The following DUOX2 variants were observed in gnomAD, a reference collection of about 807,000 sequenced individuals.
DUOX2 encodes the protein dual oxidase 2, also known as NADH/NADPH thyroid oxidase p138-tox.
DUOX2 carries 185 observed loss-of-function variants against 183.3 expected under a neutral mutation model. The ratio of observed to expected loss-of-function variants is 1.01; its 90% CI spans 0.90 to 1.14. The LOEUF is 1.14. Among genes scored for constraint, DUOX2 ranks in the 50% most tolerant of loss-of-function variants. The pLI is 0.00. For synonymous variants in DUOX2, 788 were observed against 812.4 expected (o/e 0.97, Z 0.51); for missense variants, 1,999 against 2,022.9 (o/e 0.99, Z 0.23).
At chr15:45,095,674 G>A in intron 30 of DUOX2, 79 bp from the exon 31 acceptor site, 2 of 1,601,818 alleles carry the variant, frequency 1.2e-6, no homozygotes, top group African/African-American at 1.3e-5. Flanking sequence ...CAGGCAGAGG[G>A]AGGATACAGA....
At chr15:45,112,812 T>C (rs1226839545) in intron 3 of DUOX2, 94 bp from the exon 4 acceptor site, 3 of 1,584,962 alleles carry the variant, frequency 1.9e-6, no homozygotes, top group Non-Finnish European at 2.6e-6. Flanking sequence ...CCATCCCACT[T>C]CACTGACAGA....
chr15:45,096,465 G>T (rs1674960651), intron 29 of DUOX2, among the ~76,000 whole-genome samples: 1 of 152,134 alleles, frequency 6.6e-6, no homozygotes, highest in Non-Finnish European at 1.5e-5. Flanking sequence ...TCTTTAAATT[G>T]ACTAACTTTT....
intron 22 of DUOX2, 160 bp downstream of exon 22, chr15:45,101,045 A>C (rs1894068348): frequency 1.3e-6 from 1 of 747,146 alleles, no homozygotes; most frequent in Non-Finnish European, 2.4e-6. Context: ...TCCGAGCAGC[A>C]TAGGGTGAGA....
chr15:45,097,389 G>A lies in DUOX2; in HGVS notation c.3696C>T (p.Leu1232=). The change falls in exon 29 of 34, where the codon CTC becomes CTT. Residue 1232 remains leucine, a splice_region_variant and synonymous_variant. Coordinates refer to ENST00000389039, the MANE Select transcript of DUOX2 (RefSeq NM_001363711.2). ...TCAGAGCATAGCTGCCATGGATGATGAGCTGGAGACACGGCCAGTTAGTAC... is the reference window on the plus strand; with the variant it reads ...TCAGAGCATAGCTGCCATGGATGATAAGCTGGAGACACGGCCAGTTAGTAC... ...HHLYILLYAL[L]IIHGSYALIQ... 6.2e-7 allele frequency: 1 copy of A among 1,614,246 alleles called. No individual in the cohort carries two copies. The highest frequency in any genetic ancestry group is 8.5e-7 in the Non-Finnish European group (1 of 1,180,040).
chr15:45,108,382 T>C lies in DUOX2; in HGVS notation c.1399-160A>G, dbSNP rs543955320. 67 of 843,694 alleles carry C rather than the reference T, an allele frequency of 7.9e-5. No individual in the cohort carries two copies. The African/African-American group carries it at 1.0e-3, about 13-fold the overall frequency. The allele number at this position is 843,694 out of a possible 1,614,324, so 52.3% of individuals were successfully genotyped here. Reference sequence around the variant, plus strand: ...GCCCCCTCAGGCAGGACAAGTCTGGTGGAAGGATCAGTGTGTCCCTACCCA... The same window carrying C: ...GCCCCCTCAGGCAGGACAAGTCTGGCGGAAGGATCAGTGTGTCCCTACCCA... On this transcript the variant is annotated intron_variant, in intron 12 of 33. Transcript: ENST00000389039.
chr15:45,109,917 C>T lies in DUOX2; in HGVS notation c.1104G>A (p.Arg368=). 2 of 1,614,102 alleles carry T rather than the reference C, an allele frequency of 1.2e-6. No individual in the cohort carries two copies. ...NKGFQSSQAL[R]VCNNYWIREN... is the part of the protein sequence containing the mutation. ...CCCGAATCCAGTAGTTGTTGCAGAC[C>T]CTGAGAGCTTGGGAGCTTTGAAAAC... The change falls in exon 10 of 34, where the codon AGG becomes AGA. Residue 368 remains arginine (R), a synonymous_variant. Transcript: ENST00000389039.
chr15:45,100,160 G>A lies in DUOX2; in HGVS notation c.3074C>T (p.Ala1025Val). The A allele has an allele frequency of 6.2e-7, 1 of 1,614,170 alleles. No homozygotes were observed. The highest frequency in any genetic ancestry group is 1.1e-5 in the South Asian group (1 of 91,078). ...GCGCTTGTACTGCTGCAGCTTTTGG[G>A]CTAGGAAGCCTCGCTGCATCTTCTC... The part of the protein sequence containing the change: ...LQEKMQRGFL[A>V]QKLQQYKRFV... The change falls in exon 24 of 34, where the codon GCC (alanine) becomes GTC (valine). Residue 1025 changes from alanine to valine, a missense_variant. By Grantham distance (64) the Ala-to-Val change is moderately conservative. Transcript: ENST00000389039.
Position 45,095,940 on chromosome 15 carries a change from G to T in DUOX2, c.3968C>A (p.Ala1323Glu), listed in dbSNP as rs78020568. The change falls in exon 30 of 34, where the codon GCG becomes GAG. Residue 1323 changes from alanine (A) to glutamate (E), a missense_variant. Around this residue, in one of 3 missense-constraint regions of DUOX2, gnomAD observed 1,628 missense variants for 1,608.6 expected, o/e 1.01. Transcript: ENST00000389039. Reference protein sequence around the residue: ...TEYHPFTLTSAPHEDTLSLHI... With the variant: ...TEYHPFTLTSEPHEDTLSLHI... The stretch of plus-strand genomic sequence containing the variant: ...CAGGCTGAGTGTGTCCTCATGGGGC[G>T]CGGAGGTCAGTGTGAAGGGGTGGTA... 19 of 1,613,914 alleles carry T rather than the reference G, an allele frequency of 1.2e-5. No homozygotes were observed. The Middle Eastern group carries it at 6.6e-4, about 56-fold the overall frequency.
intron 21 of DUOX2, 34 bp downstream of exon 21, chr15:45,101,759 C>G (rs759244110): frequency 5.1e-5 from 83 of 1,614,096 alleles, no homozygotes; most frequent in East Asian, 8.9e-5. Context: ...ACACGCCCCC[C>G]CTCCCTGACG....
intron 10 of DUOX2, 76 bp from the exon 11 acceptor site, chr15:45,109,702 C>T (rs1449604860): frequency 6.7e-7 from 1 of 1,496,892 alleles, no homozygotes; most frequent in Non-Finnish European, 9.3e-7. Context: ...ACTTTAGTAC[C>T]CCAGGACAAA....
In DUOX2 at chr15:45,112,637, G is replaced by A. The variant is rs1894469138; in HGVS notation, c.242C>T (p.Pro81Leu). The change falls in exon 4 of 34, where the codon CCG becomes CTG. Residue 81 changes from proline to leucine, a missense_variant. Transcript: ENST00000389039. ...CGTGGCTGCGTTGCTGAGCCGGCGC[G>A]GGTTGGGCAGCTGCGGCTCCTCCAG... Reference protein sequence around the residue: ...QALEEPQLPNPRRLSNAATRG... With the variant: ...QALEEPQLPNLRRLSNAATRG... The A allele has an allele frequency of 1.9e-6, 3 of 1,612,902 alleles. No homozygotes were observed. The African/African-American group carries it at 4.0e-5, about 21-fold the overall frequency.
In DUOX2 at chr15:45,111,604, G is replaced by A. The variant is rs1340280858; in HGVS notation, c.514-19C>T. 1.3e-6 allele frequency: 2 copies of A among 1,519,098 alleles called. No individual in the cohort carries two copies. The highest frequency in any genetic ancestry group is 1.8e-6 in the Non-Finnish European group (2 of 1,139,982). 94.1% of individuals were successfully genotyped at this position (1,519,098 alleles called of 1,614,324 possible). The stretch of plus-strand genomic sequence containing the variant: ...GGTTGGCCTGCGGGGCACGCGGCGG[G>A]TGAGCCCGGGTCGAGAGGCGGCGGC... On this transcript the variant is annotated intron_variant, in intron 5 of 33. Coordinates refer to ENST00000389039, the MANE Select transcript of DUOX2 (RefSeq NM_001363711.2).
chr15:45,111,399 G>C lies in DUOX2; in HGVS notation c.700C>G (p.Pro234Ala). The C allele has an allele frequency of 3.4e-6, 5 of 1,460,750 alleles. No homozygotes were observed. Among genetic ancestry groups the C allele is most frequent in the Non-Finnish European group, 4.5e-6 (5 of 1,108,684 alleles). The allele number at this position is 1,460,750 out of a possible 1,614,324, so 90.5% of individuals were successfully genotyped here. A position where few individuals can be genotyped will look rare whatever the true frequency, so the allele number is the denominator to read the frequency against. Reference protein sequence around the residue: ...APDPATGQNGPRGLYAFGAER... With the variant: ...APDPATGQNGARGLYAFGAER... ...GTGGCCTCACCGTACAGCCCCCGGG[G>C]CCCGTTCTGCCCGGTGGCGGGGTCG... Residue 234 changes from proline (P) to alanine (A), a missense_variant, in exon 6 of 34, where the codon CCC (proline) becomes GCC (alanine). Transcript: ENST00000389039.
In DUOX2 at chr15:45,104,010, G is replaced by A; in HGVS notation, c.2604C>T (p.Asp868=). The A allele has an allele frequency of 6.2e-7, 1 of 1,614,130 alleles. No individual in the cohort carries two copies. The highest frequency in any genetic ancestry group is 1.7e-5 in the Admixed American group (1 of 60,020). Residue 868 remains aspartate, a synonymous_variant, in exon 20 of 34, where the codon GAC becomes GAT. Coordinates refer to ENST00000389039, the MANE Select transcript of DUOX2 (RefSeq NM_001363711.2). ...DKSRLMFTMY[D]LDENGFLSKD... ...TGGAGAGGAAGCCATTCTCATCCAG[G>A]TCATACATGGTAAACATTAGACGGG...
intron 29 of DUOX2, 114 bp downstream of exon 29, chr15:45,097,124 T>G (rs1893924037): frequency 2.0e-6 from 3 of 1,520,952 alleles, no homozygotes; most frequent in East Asian, 2.3e-5. Flanking sequence ...TGTTGTTGTT[T>G]TTGGAGACAG....
Position 45,097,335 on chromosome 15 carries a change from G to C in DUOX2, c.3750C>G (p.Phe1250Leu). The C allele has an allele frequency of 6.2e-7, 1 of 1,614,260 alleles. No homozygotes were observed. The highest frequency in any genetic ancestry group is 8.5e-7 in the Non-Finnish European group (1 of 1,180,058). Residue 1250 changes from phenylalanine to leucine, a missense_variant, in exon 29 of 34, where the codon TTC (phenylalanine) becomes TTG (leucine). This residue lies in a region of DUOX2 where 1,628 missense variants were observed against 1,608.6 expected (regional missense o/e 1.01). Transcript: ENST00000389039. ...CTCCATAGATGATTGCCGGGACCAG[G>C]AAGTAGATGTGGAAAGTGGGCAGCT... is the stretch of plus-strand genomic sequence containing the variant. The part of the protein sequence containing the change: ...LIQLPTFHIY[F>L]LVPAIIYGGD...
intron 14 of DUOX2, 142 bp from the exon 15 acceptor site, chr15:45,107,111 T>TC: frequency 7.5e-7 from 1 of 1,324,678 alleles, no homozygotes. Context: ...CCTCAAAAAG[T>TC]CCCCATTCAT....
At position 45,100,140 on chromosome 15, in the gene DUOX2, T is replaced by C; in HGVS notation, c.3094A>G (p.Lys1032Glu). 1 of 1,614,220 alleles carries C rather than the reference T, an allele frequency of 6.2e-7. No homozygotes were observed. Among genetic ancestry groups the C allele is most frequent in the Non-Finnish European group, 8.5e-7 (1 of 1,180,032 alleles). The stretch of plus-strand genomic sequence containing the variant: ...CTCCGGTAGTTCTCCACGAAGCGCT[T>C]GTACTGCTGCAGCTTTTGGGCTAGG... ...GFLAQKLQQY[K>E]RFVENYRRHI... Residue 1032 changes from lysine (K) to glutamate (E), a missense_variant, in exon 24 of 34, where the codon AAG (lysine) becomes GAG (glutamate). Physicochemically the swap from Lys to Glu is moderately conservative, Grantham distance 56. Transcript: ENST00000389039.
chr15:45,110,028 A>C (rs746474262), intron 9 of DUOX2, 48 bp from the exon 10 acceptor site: 1 of 1,580,124 alleles, frequency 6.3e-7, no homozygotes, highest in Non-Finnish European at 8.7e-7. Flanking sequence ...GAGAAGAATC[A>C]AAGATGGGGT....
Sources: allele counts gnomAD v4.1 joint callset (sites outside exome capture counted in the v4.1 genomes callset), GRCh38; gene constraint gnomAD v4.1.1; regional missense constraint gnomAD v4.1.1; transcripts MANE v1.5; gene names NCBI Gene and HGNC (gene_info 2026-07-23, HGNC 2026-07-21).